The following FBXL17 variants were observed in gnomAD, a reference collection of about 807,000 sequenced individuals.
FBXL17 encodes F-box and leucine rich repeat protein 17, also known as F-box/LRR-repeat protein 17.
FBXL17 carries 22 observed loss-of-function variants against 66.2 expected under a neutral mutation model. The observed-to-expected ratio is 0.33, with a 90% CI of 0.24 to 0.47. FBXL17 has a LOEUF of 0.47. Ranked by LOEUF, FBXL17 falls within the 20% of genes least tolerant of loss-of-function variation. The pLI, the probability that FBXL17 is intolerant of heterozygous loss-of-function variation, is 1.00. For missense variants in FBXL17, 878 were observed against 948.2 expected (o/e 0.93, Z 0.97); for synonymous variants, 474 against 400.5 (o/e 1.18, Z -2.19).
chr5:108,097,343 G>A (rs945281217), intron 6 of FBXL17, among the ~76,000 whole-genome samples: 4 of 152,174 alleles, frequency 2.6e-5, no homozygotes, highest in African/African-American at 9.7e-5. Context: ...TTCTGGCATT[G>A]TGAAAATGGA....
At chr5:108,373,369 TA>T (rs368970167) in intron 1 of FBXL17, among the ~76,000 whole-genome samples, 3 of 39,046 alleles carry the variant, frequency 7.7e-5, no homozygotes, top group African/African-American at 1.9e-4. Context: ...TATATTAATA[TA>T]AATATATATC....
chr5:107,927,232 A>G (rs546971823), intron 7 of FBXL17, among the ~76,000 whole-genome samples: 49 of 152,166 alleles, frequency 3.2e-4, no homozygotes, highest in Non-Finnish European at 5.0e-4. Flanking sequence ...ATAAATAATA[A>G]ATGGCCTCTA....
At chr5:108,038,478 T>G (rs992235579) in intron 6 of FBXL17, among the ~76,000 whole-genome samples, 1 of 152,078 alleles carries the variant, frequency 6.6e-6, no homozygotes, top group Non-Finnish European at 1.5e-5. Flanking sequence ...GTACACAAAG[T>G]TTCATTATAT....
chr5:108,373,896 C>A (rs895087279), intron 1 of FBXL17, among the ~76,000 whole-genome samples: 1 of 152,032 alleles, frequency 6.6e-6, no homozygotes, highest in Admixed American at 6.6e-5. Flanking sequence ...CCAGCCTGGA[C>A]AACAGACTGA....
At chr5:107,936,917 G>A (rs1396046769) in intron 7 of FBXL17, among the ~76,000 whole-genome samples, 1 of 151,848 alleles carries the variant, frequency 6.6e-6, no homozygotes, top group African/African-American at 2.4e-5. Flanking sequence ...CTTTTTTTAA[G>A]TATATTAAGC....
intron 8 of FBXL17, among the ~76,000 whole-genome samples, chr5:107,871,448 C>A (rs1748450122): frequency 1.3e-5 from 2 of 152,200 alleles, no homozygotes; most frequent in Non-Finnish European, 2.9e-5. Context: ...GGAAGTCCAA[C>A]AACCAGACTG....
At chr5:108,289,422 C>T (rs1488658223) in intron 4 of FBXL17, among the ~76,000 whole-genome samples, 1 of 152,096 alleles carries the variant, frequency 6.6e-6, no homozygotes, top group Non-Finnish European at 1.5e-5. Flanking sequence ...TGATCTCACA[C>T]ACAAATAAAC....
intron 4 of FBXL17, among the ~76,000 whole-genome samples, chr5:108,255,855 T>C (rs1419055025): frequency 6.6e-6 from 1 of 152,200 alleles, no homozygotes; most frequent in African/African-American, 2.4e-5. Context: ...GTTTTGTTCC[T>C]GCCAATTGAA....
intron 7 of FBXL17, among the ~76,000 whole-genome samples, chr5:107,981,738 G>T: frequency 6.6e-6 from 1 of 152,154 alleles, no homozygotes; most frequent in East Asian, 1.9e-4. Flanking sequence ...CATTCTCCTT[G>T]ATATTCTTGC....
At chr5:108,219,440 C>T (rs372936968) in intron 5 of FBXL17, among the ~76,000 whole-genome samples, 1 of 152,144 alleles carries the variant, frequency 6.6e-6, no homozygotes, top group African/African-American at 2.4e-5. Flanking sequence ...AATCTCAGCA[C>T]TTTGAGAGGC....
intron 6 of FBXL17, among the ~76,000 whole-genome samples, chr5:108,158,186 AATT>A (rs910688313): frequency 3.9e-5 from 6 of 152,236 alleles, no homozygotes; most frequent in East Asian, 3.9e-4. Flanking sequence ...AAACTATTAA[AATT>A]ATTAAGTTCA....
At chr5:107,996,027 A>T (rs1753457154) in intron 7 of FBXL17, among the ~76,000 whole-genome samples, 1 of 146,390 alleles carries the variant, frequency 6.8e-6, no homozygotes, top group Non-Finnish European at 1.5e-5. Context: ...GTTCAGGCAG[A>T]AGCAACCACT....
chr5:107,887,986 G>A (rs1303506052), intron 7 of FBXL17, among the ~76,000 whole-genome samples: 1 of 152,104 alleles, frequency 6.6e-6, no homozygotes, highest in African/African-American at 2.4e-5. Flanking sequence ...TCTCTCAAAC[G>A]GTAGTTACTT....
intron 4 of FBXL17, among the ~76,000 whole-genome samples, chr5:108,232,641 G>A (rs1755396688): frequency 6.6e-6 from 1 of 151,048 alleles, no homozygotes; most frequent in Admixed American, 6.6e-5. Context: ...TTTCTCCCGT[G>A]CTGGATGCTA....
chr5:107,938,012 T>A (rs1319372682), intron 7 of FBXL17, among the ~76,000 whole-genome samples: 2 of 152,160 alleles, frequency 1.3e-5, no homozygotes, highest in Non-Finnish European at 2.9e-5. Context: ...CACAATTTCA[T>A]CAGCATCACA....
At chr5:108,234,030 T>C (rs1460545968) in intron 4 of FBXL17, among the ~76,000 whole-genome samples, 1 of 151,626 alleles carries the variant, frequency 6.6e-6, no homozygotes. Flanking sequence ...AAATGCAGAG[T>C]TGGGGGACAA....
chr5:108,186,366 C>A, intron 5 of FBXL17, 119 bp from the exon 6 acceptor site: 1 of 736,296 alleles, frequency 1.4e-6, no homozygotes, highest in South Asian at 2.2e-5. Flanking sequence ...AACAGATAGG[C>A]TAGAATCTTT....
intron 4 of FBXL17, among the ~76,000 whole-genome samples, chr5:108,239,013 C>A (rs1447300338): frequency 6.6e-6 from 1 of 151,932 alleles, no homozygotes; most frequent in African/African-American, 2.4e-5. Flanking sequence ...TTTTAGAAAT[C>A]ATGAGAAAAC....
intron 6 of FBXL17, among the ~76,000 whole-genome samples, chr5:108,123,785 A>G (rs749517543): frequency 2.0e-5 from 3 of 152,192 alleles, no homozygotes; most frequent in Non-Finnish European, 1.5e-5. Flanking sequence ...AGATTCTCCT[A>G]TTGAGTAATG....
Sources: gnomAD v4.1 joint callset for allele counts (sites outside exome capture counted in the v4.1 genomes callset) on GRCh38, gnomAD v4.1.1 for gene constraint, MANE v1.5 for transcripts, NCBI Gene and HGNC (gene_info 2026-07-23, HGNC 2026-07-21) for gene names.